Variants in SOS1 observed in about 807,000 individuals in gnomAD.
SOS1 encodes the protein son of sevenless homolog 1.
SOS1 carries 25 observed loss-of-function variants against 157.6 expected under a neutral mutation model. The ratio of observed to expected loss-of-function variants is 0.16; its 90% confidence interval spans 0.12 to 0.22. The LOEUF (loss-of-function observed/expected upper bound fraction) is 0.22, where lower values mean the gene tolerates loss of function less well. Among genes scored for constraint, SOS1 ranks in the 10% least tolerant of loss-of-function variants. SOS1 has a pLI of 1.00. For synonymous variants in SOS1, 528 were observed against 534.0 expected (o/e 0.99, Z 0.16); for missense variants, 1,237 against 1,599.1 (o/e 0.77, Z 3.86).
chr2:39,096,439 T>A (rs1225758360), intron 1 of SOS1, among the ~76,000 whole-genome samples: 2 of 152,194 alleles, frequency 1.3e-5, no homozygotes, highest in Non-Finnish European at 1.5e-5. Context: ...ACATACTTTT[T>A]AAAAATTATT....
At chr2:39,007,886 A>G (rs1285898525) in intron 15 of SOS1, among the ~76,000 whole-genome samples, 1 of 152,150 alleles carries the variant, frequency 6.6e-6, no homozygotes, top group Non-Finnish European at 1.5e-5. Flanking sequence ...CTGAGAGCAA[A>G]TGGCAAAAGA....
chr2:39,009,950 A>G (rs1370049311), intron 15 of SOS1, among the ~76,000 whole-genome samples: 1 of 152,220 alleles, frequency 6.6e-6, no homozygotes, highest in Non-Finnish European at 1.5e-5. Flanking sequence ...AATGACAAAT[A>G]TTATCATTTT....
chr2:39,089,044 G>A (rs1672483232), intron 1 of SOS1, among the ~76,000 whole-genome samples: 1 of 151,968 alleles, frequency 6.6e-6, no homozygotes, highest in Non-Finnish European at 1.5e-5. Context: ...TCTCACTGTG[G>A]TTTTCATTCC....
At position 39,037,677 on chromosome 2, in the gene SOS1, C is replaced by T. The variant is rs891018245; in HGVS notation, c.865-2177G>A. On this transcript the variant is annotated intron_variant, in intron 6 of 22. Transcript: ENST00000402219. Reference sequence around the variant, plus strand: ...CCCTGTGTGAAGCAAGTCTTTTGGCCCCATTTTTCCAACAGCATGTGCTAA... The same window carrying T: ...CCCTGTGTGAAGCAAGTCTTTTGGCTCCATTTTTCCAACAGCATGTGCTAA... Among the ~76,000 whole-genome samples, 7 of 151,540 alleles carry T rather than the reference C, an allele frequency of 4.6e-5. No homozygotes were observed. The East Asian group carries it at 1.4e-3, about 29-fold the overall frequency.
chr2:39,102,550 A>AAG (rs1407646504), intron 1 of SOS1, among the ~76,000 whole-genome samples: 2 of 150,240 alleles, frequency 1.3e-5, no homozygotes, highest in South Asian at 2.1e-4. Context: ...AAAAAAAAAA[A>AAG]AAAAAGAAGA....
intron 1 of SOS1, among the ~76,000 whole-genome samples, chr2:39,102,313 A>G (rs747523261): frequency 1.3e-5 from 2 of 149,222 alleles, no homozygotes; most frequent in Non-Finnish European, 3.0e-5. Context: ...GCTTGAGCCT[A>G]CGAGTTCAAG....
Position 38,983,926 on chromosome 2 carries a change from A to T in SOS1, c.*1898T>A, listed in dbSNP as rs1668474434. Reference sequence around the variant, plus strand: ...TAAAGAGAAGAATGGCTACCATCATAGGAATGGTACAGATATTGAGAAAGG... The same window carrying T: ...TAAAGAGAAGAATGGCTACCATCATTGGAATGGTACAGATATTGAGAAAGG... On this transcript the variant is annotated 3_prime_UTR_variant, in exon 23 of 23. Transcript: ENST00000402219. 1 of 152,214 alleles carries T rather than the reference A, an allele frequency of 6.6e-6. No homozygotes were observed. Among genetic ancestry groups the T allele is most frequent in the South Asian group, 2.1e-4 (1 of 4,834 alleles). The allele number at this position is 152,214 out of a possible 1,614,324, so 9.4% of individuals were successfully genotyped here. A position where few individuals can be genotyped will look rare whatever the true frequency, so the allele number is the denominator to read the frequency against.
intron 1 of SOS1, among the ~76,000 whole-genome samples, chr2:39,095,969 T>C (rs1258555483): frequency 6.6e-6 from 1 of 152,226 alleles, no homozygotes; most frequent in African/African-American, 2.4e-5. Flanking sequence ...CCTGAGAAGC[T>C]AGATGTTTAT....
intron 13 of SOS1, among the ~76,000 whole-genome samples, chr2:39,012,712 T>G (rs1373483347): frequency 6.6e-6 from 1 of 152,196 alleles, no homozygotes; most frequent in African/African-American, 2.4e-5. Flanking sequence ...ATCACAAGAT[T>G]TATAAGGATA....
chr2:39,039,122 T>C (rs746740093), intron 6 of SOS1, among the ~76,000 whole-genome samples: 1 of 152,240 alleles, frequency 6.6e-6, no homozygotes, highest in African/African-American at 2.4e-5. Context: ...TATTTCTAAA[T>C]CTAGGTATAT....
rs188381882 is a variant in SOS1 at position 39,101,269 on chromosome 2, G to C, written c.87+19067C>G. On this transcript the variant is annotated intron_variant, in intron 1 of 22. Coordinates refer to ENST00000402219, the MANE Select transcript of SOS1 (RefSeq NM_005633.4). ...ACACATTACCTCTGGGACAAGGATGGTACCAACCCATTCATGAGGGACCTG... is the reference window on the plus strand; with the variant it reads ...ACACATTACCTCTGGGACAAGGATGCTACCAACCCATTCATGAGGGACCTG... Among the ~76,000 whole-genome samples, 60 of 152,150 alleles carry C rather than the reference G, an allele frequency of 3.9e-4. No individual in the cohort carries two copies. The East Asian group carries it at 9.7e-3, about 25-fold the overall frequency.
At chr2:39,047,419 G>A (rs1397044610) in intron 6 of SOS1, among the ~76,000 whole-genome samples, 1 of 152,050 alleles carries the variant, frequency 6.6e-6, no homozygotes, top group African/African-American at 2.4e-5. Context: ...TGTATACTTA[G>A]CTCTAGTAGA....
intron 1 of SOS1, among the ~76,000 whole-genome samples, chr2:39,093,065 C>T (rs1672647324): frequency 6.6e-6 from 1 of 152,150 alleles, no homozygotes; most frequent in African/African-American, 2.4e-5. Flanking sequence ...GTTATTAATA[C>T]TACAGAAATA....
At chr2:38,998,542 C>T (rs1359514186) in intron 17 of SOS1, among the ~76,000 whole-genome samples, 6 of 152,266 alleles carry the variant, frequency 3.9e-5, no homozygotes, top group South Asian at 2.1e-4. Context: ...TGAGTCACCG[C>T]GAGCAGCCTG....
At position 39,120,396 on chromosome 2, in the gene SOS1, C is replaced by G. The variant is rs765768180; in HGVS notation, c.27G>C (p.Glu9Asp). The G allele has an allele frequency of 5.6e-6, 9 of 1,600,402 alleles. No individual in the cohort carries two copies. The highest frequency in any genetic ancestry group is 7.7e-6 in the Non-Finnish European group (9 of 1,174,806). Reference protein sequence around the residue: MQAQQLPYEFFSEENAPKW... With the variant: MQAQQLPYDFFSEENAPKW... Reference sequence around the variant, plus strand: ...TGGGCGCGTTCTCTTCGCTGAAAAACTCGTAGGGCAGCTGCTGCGCCTGCA... The same window carrying G: ...TGGGCGCGTTCTCTTCGCTGAAAAAGTCGTAGGGCAGCTGCTGCGCCTGCA... Residue 9 changes from glutamate to aspartate, a missense_variant, in exon 1 of 23, where the codon GAG (glutamate) becomes GAC (aspartate). By Grantham distance (45) the Glu-to-Asp change is conservative. Transcript: ENST00000402219.
Position 39,114,717 on chromosome 2 carries a change from C to T in SOS1, c.87+5619G>A, listed in dbSNP as rs569362342. The stretch of plus-strand genomic sequence containing the variant: ...ACTCCCAGGATTCTTGTGTCTCAGC[C>T]TCCCGAGTAGCTGGGATTACAGGCG... On this transcript the variant is annotated intron_variant, in intron 1 of 22. Coordinates refer to ENST00000402219, the MANE Select transcript of SOS1 (RefSeq NM_005633.4). 2.0e-5 allele frequency among the ~76,000 whole-genome samples: 3 copies of T among 152,258 alleles called. No individual in the cohort carries two copies. In the East Asian group the frequency reaches 5.8e-4, roughly 29 times the overall value.
intron 16 of SOS1, among the ~76,000 whole-genome samples, chr2:39,006,760 T>G (rs1220428479): frequency 6.6e-6 from 1 of 152,182 alleles, no homozygotes; most frequent in African/African-American, 2.4e-5. Flanking sequence ...CTTACACAAT[T>G]ATGTGAACAT....
chr2:39,089,972 CA>C (rs35640140), intron 1 of SOS1, among the ~76,000 whole-genome samples: 101,581 of 125,424 alleles, frequency 0.81, 41,517 homozygotes, highest in Non-Finnish European at 0.91. Context: ...ACTAAAAATA[CA>C]AAAAAAAAAA....
chr2:39,063,018 A>G (rs1210728911), intron 2 of SOS1, among the ~76,000 whole-genome samples: 1 of 152,196 alleles, frequency 6.6e-6, no homozygotes, highest in Admixed American at 6.5e-5. Flanking sequence ...TTCCATATCC[A>G]TGGTTCTACA....
Sources: gnomAD v4.1 joint callset for allele counts (sites outside exome capture counted in the v4.1 genomes callset) on GRCh38, gnomAD v4.1.1 for gene constraint, MANE v1.5 for transcripts, NCBI Gene and HGNC (gene_info 2026-07-23, HGNC 2026-07-21) for gene names.